Variants in COL5A2 observed in about 807,000 individuals in gnomAD.
COL5A2 encodes the protein collagen type V alpha 2 chain, also known as collagen alpha-2(V) chain.
COL5A2 carries 23 observed loss-of-function variants against 208.2 expected under a neutral mutation model. The ratio of observed to expected loss-of-function variants is 0.11; its 90% CI spans 0.08 to 0.16. The LOEUF (loss-of-function observed/expected upper bound fraction) is 0.16, where lower values mean the gene tolerates loss of function less well. COL5A2 is among the 10% of genes least tolerant of loss of function. The probability of loss-of-function intolerance (pLI) is 1.00; values close to 1 mark genes in which losing one functional copy is unlikely to be tolerated. For synonymous variants in COL5A2, 625 were observed against 628.5 expected (o/e 0.99, Z 0.08); for missense variants, 1,590 against 1,956.4 (o/e 0.81, Z 3.53).
chr2:189,426,439 C>A, the COL5A2 span, among the ~76,000 whole-genome samples: 1 of 152,168 alleles, frequency 6.6e-6, no homozygotes, highest in Non-Finnish European at 1.5e-5. Context: ...AAGCCCCCTC[C>A]CTGCTTAAAG....
At chr2:189,422,982 C>T in the COL5A2 span, among the ~76,000 whole-genome samples, 36 of 150,040 alleles carry the variant, frequency 2.4e-4, 1 homozygote, top group South Asian at 2.5e-3. Flanking sequence ...GAGATTGTGC[C>T]GTTGCACTCC....
chr2:189,175,393 G>T (rs1688656084), intron 1 of COL5A2, among the ~76,000 whole-genome samples: 1 of 151,716 alleles, frequency 6.6e-6, no homozygotes, highest in South Asian at 2.1e-4. Context: ...CAGCCATTTA[G>T]GACCATAAAA....
the COL5A2 span, among the ~76,000 whole-genome samples, chr2:189,391,578 TAA>T: frequency 2.0e-5 from 3 of 152,142 alleles, no homozygotes; most frequent in Non-Finnish European, 4.4e-5. Flanking sequence ...TAGAAACTAA[TAA>T]AAGTGCTTCC....
At chr2:189,431,357 A>C in the COL5A2 span, among the ~76,000 whole-genome samples, 1 of 152,212 alleles carries the variant, frequency 6.6e-6, no homozygotes, top group Non-Finnish European at 1.5e-5. Flanking sequence ...ATGAGTCGAC[A>C]AAAGTAGGCT....
the COL5A2 span, among the ~76,000 whole-genome samples, chr2:189,431,104 C>A: frequency 6.6e-6 from 1 of 152,048 alleles, no homozygotes. Flanking sequence ...AGCTGAGGTA[C>A]CTATTAGAAG....
intron 11 of COL5A2, among the ~76,000 whole-genome samples, chr2:189,084,381 T>C (rs1488584545): frequency 6.6e-6 from 1 of 152,190 alleles, no homozygotes; most frequent in East Asian, 1.9e-4. Flanking sequence ...GAATTCTATA[T>C]GATCACATGA....
chr2:189,175,411 TA>T (rs200924722), intron 1 of COL5A2, among the ~76,000 whole-genome samples: 5 of 150,058 alleles, frequency 3.3e-5, no homozygotes, highest in South Asian at 2.1e-4. Flanking sequence ...AAAATAAATT[TA>T]AAAAAAAATA....
intron 1 of COL5A2, among the ~76,000 whole-genome samples, chr2:189,141,253 G>A (rs1446124219): frequency 6.6e-6 from 1 of 151,986 alleles, no homozygotes; most frequent in Non-Finnish European, 1.5e-5. Context: ...TATGCGTAAG[G>A]TTACCATTAA....
At chr2:189,088,116 G>A (rs1686704711) in intron 8 of COL5A2, among the ~76,000 whole-genome samples, 1 of 152,122 alleles carries the variant, frequency 6.6e-6, no homozygotes, top group African/African-American at 2.4e-5. Flanking sequence ...GGGAGAGTTG[G>A]TTTTAAAAGT....
chr2:189,380,662 G>A, the COL5A2 span, among the ~76,000 whole-genome samples: 4 of 151,614 alleles, frequency 2.6e-5, no homozygotes, highest in Non-Finnish European at 5.9e-5. Flanking sequence ...TTAAAAGAAT[G>A]ATAGACCAAA....
Position 189,080,007 on chromosome 2 carries a change from T to C in COL5A2, c.931A>G (p.Lys311Glu). 6.2e-7 allele frequency: 1 copy of C among 1,613,132 alleles called. No homozygotes were observed. The highest frequency in any genetic ancestry group is 8.5e-7 in the Non-Finnish European group (1 of 1,179,230). The part of the protein sequence containing the change: ...HRGHKGLEGP[K>E]GEVGAPGSKG... ...GAACCAGGTGCTCCAACTTCACCTT[T>C]AGGGCCTTCAAGACCTTTGTGTCCC... Residue 311 changes from lysine to glutamate, a missense_variant, in exon 14 of 54, where the codon AAA (lysine) becomes GAA (glutamate). By Grantham distance (56) the Lys-to-Glu change is moderately conservative. Coordinates refer to ENST00000374866, the MANE Select transcript of COL5A2 (RefSeq NM_000393.5).
intron 1 of COL5A2, among the ~76,000 whole-genome samples, chr2:189,210,540 T>C (rs1689200144): frequency 6.6e-6 from 1 of 151,714 alleles, no homozygotes; most frequent in South Asian, 2.1e-4. Context: ...AACTAATAAC[T>C]TTGATTTAAA....
the COL5A2 span, among the ~76,000 whole-genome samples, chr2:189,384,182 T>C: frequency 1.3e-3 from 201 of 152,282 alleles, 1 homozygote; most frequent in Admixed American, 2.4e-3. Flanking sequence ...ATTGATTTTA[T>C]ATCTCGGCTA....
intron 1 of COL5A2, among the ~76,000 whole-genome samples, chr2:189,212,659 G>T (rs1689229976): frequency 6.7e-6 from 1 of 149,952 alleles, no homozygotes; most frequent in African/African-American, 2.5e-5. Flanking sequence ...AAAAGTATCT[G>T]CCAGGGCTCT....
At chr2:189,326,382 T>A in the COL5A2 span, among the ~76,000 whole-genome samples, 252 of 152,220 alleles carry the variant, frequency 1.7e-3, 1 homozygote, top group African/African-American at 5.6e-3. Flanking sequence ...TAAAACAGAC[T>A]TCTAAGATAT....
the COL5A2 span, among the ~76,000 whole-genome samples, chr2:189,231,070 G>A: frequency 4.0e-3 from 606 of 152,058 alleles, 7 homozygotes; most frequent in Non-Finnish European, 6.3e-3. Context: ...AAATAAGCCA[G>A]TCAGAGAGGA....
At chr2:189,087,757 G>A (rs79000279) in intron 8 of COL5A2, among the ~76,000 whole-genome samples, 14 of 151,114 alleles carry the variant, frequency 9.3e-5, no homozygotes, top group African/African-American at 2.9e-4. Context: ...GTGAGCCACC[G>A]TGCCTGGCCA....
chr2:189,423,300 TAAAC>T, the COL5A2 span, among the ~76,000 whole-genome samples: 5 of 150,712 alleles, frequency 3.3e-5, no homozygotes, highest in African/African-American at 9.8e-5. Flanking sequence ...AAATTTCAAA[TAAAC>T]AACCTAACAT....
At chr2:189,323,256 G>A in the COL5A2 span, among the ~76,000 whole-genome samples, 1 of 152,064 alleles carries the variant, frequency 6.6e-6, no homozygotes, top group Non-Finnish European at 1.5e-5. Context: ...TTTGAAAACT[G>A]GCACAAGACA....
Sources: gnomAD v4.1 joint callset for allele counts (sites outside exome capture counted in the v4.1 genomes callset) on GRCh38, gnomAD v4.1.1 for gene constraint, MANE v1.5 for transcripts, NCBI Gene and HGNC (gene_info 2026-07-23, HGNC 2026-07-21) for gene names.